KIF5C: variants seen among roughly 807,000 people sequenced by gnomAD.
KIF5C encodes kinesin family member 5C.
A neutral mutation model predicts 125.2 loss-of-function variants in KIF5C; 18 were observed. The ratio of observed to expected loss-of-function variants is 0.14; its 90% CI spans 0.10 to 0.21. KIF5C has a LOEUF of 0.21. Ranked by LOEUF, KIF5C falls within the 10% of genes least tolerant of loss-of-function variation. KIF5C has a pLI of 1.00. For missense variants in KIF5C, 780 were observed against 1,183.8 expected (o/e 0.66, Z 5.01); for synonymous variants, 405 against 434.0 (o/e 0.93, Z 0.83).
At chr2:148,969,388 C>T (rs956803321) in intron 11 of KIF5C, among the ~76,000 whole-genome samples, 4 of 148,604 alleles carry the variant, frequency 2.7e-5, no homozygotes, top group African/African-American at 1.0e-4. Context: ...ATAGTAAATG[C>T]CAGGATGCTT....
intron 1 of KIF5C, among the ~76,000 whole-genome samples, chr2:148,904,727 G>A (rs965145775): frequency 6.6e-6 from 1 of 152,078 alleles, no homozygotes; most frequent in Non-Finnish European, 1.5e-5. Flanking sequence ...TAAGAAATAC[G>A]GCAACCATTG....
At chr2:148,950,081 A>T in intron 9 of KIF5C, 138 bp downstream of exon 9, 2 of 1,384,792 alleles carry the variant, frequency 1.4e-6, no homozygotes, top group Middle Eastern at 2.2e-4. Context: ...CTGGCTATGG[A>T]TGCCTGCTTG....
chr2:148,904,119 CCAAA>C (rs1681007806), intron 1 of KIF5C, among the ~76,000 whole-genome samples: 1 of 152,198 alleles, frequency 6.6e-6, no homozygotes, highest in South Asian at 2.1e-4. Flanking sequence ...ATTTATTTTC[CCAAA>C]CAATTAGAGG....
intron 7 of KIF5C, among the ~76,000 whole-genome samples, chr2:148,943,000 C>G (rs572723092): frequency 6.6e-6 from 1 of 152,246 alleles, no homozygotes; most frequent in Admixed American, 6.5e-5. Flanking sequence ...GTGAGACTTA[C>G]TGGACCCTGA....
intron 1 of KIF5C, among the ~76,000 whole-genome samples, chr2:148,916,565 T>C (rs375542958): frequency 6.6e-6 from 1 of 152,192 alleles, no homozygotes; most frequent in Non-Finnish European, 1.5e-5. Flanking sequence ...CTTTTTCATT[T>C]CACTTCATTT....
In KIF5C at chr2:149,025,573, G is replaced by T. The variant is rs1396307587; in HGVS notation, c.*2503G>T. 6.6e-6 allele frequency: 1 copy of T among 152,284 alleles called. No homozygotes were observed. Among genetic ancestry groups the T allele is most frequent in the South Asian group, 2.1e-4 (1 of 4,820 alleles). The allele number at this position is 152,284 out of a possible 1,614,324, so 9.4% of individuals were successfully genotyped here. On this transcript the variant is annotated 3_prime_UTR_variant, in exon 26 of 26. Coordinates refer to ENST00000435030, the MANE Select transcript of KIF5C (RefSeq NM_004522.3). ...AACTAAGCTCATGAATATGATTTTG[G>T]TTATATGCAGCTTTTGACTAGCATG...
intron 11 of KIF5C, among the ~76,000 whole-genome samples, chr2:148,962,817 A>G (rs990560464): frequency 6.6e-6 from 1 of 152,198 alleles, no homozygotes; most frequent in Non-Finnish European, 1.5e-5. Flanking sequence ...GAAAAATGTC[A>G]TTCTCTCCTA....
At chr2:148,896,244 C>T (rs1307588416) in intron 1 of KIF5C, among the ~76,000 whole-genome samples, 2 of 152,210 alleles carry the variant, frequency 1.3e-5, no homozygotes, top group Non-Finnish European at 2.9e-5. Context: ...AGAGAGCTCT[C>T]AGCGAGCCCT....
In KIF5C at chr2:148,978,343, T is replaced by G. The variant is rs1350059140; in HGVS notation, c.1294-579T>G. 2.1e-5 allele frequency among the ~76,000 whole-genome samples: 3 copies of G among 144,744 alleles called. No individual in the cohort carries two copies. In the East Asian group the frequency reaches 5.9e-4, roughly 29 times the overall value. The allele number at this position is 144,744 out of a possible 152,430, so 95.0% of individuals were successfully genotyped here. A position where few individuals can be genotyped will look rare whatever the true frequency, so the allele number is the denominator to read the frequency against. ...CCTCAGCTGCCCTGAGGTTTTTTTT[T>G]TTTTTTTTTTTTTTTTTTTAACTGT... is the stretch of plus-strand genomic sequence containing the variant. On this transcript the variant is annotated intron_variant, in intron 12 of 25. Coordinates refer to ENST00000435030, the MANE Select transcript of KIF5C (RefSeq NM_004522.3).
At chr2:148,992,185 G>A (rs150406851) in intron 16 of KIF5C, among the ~76,000 whole-genome samples, 256 of 152,238 alleles carry the variant, frequency 1.7e-3, no homozygotes, top group African/African-American at 5.8e-3. Context: ...TGTCTAAAAT[G>A]GATCCACAAG....
Position 148,948,288 on chromosome 2 carries a change from C to A in KIF5C, c.714+1265C>A, listed in dbSNP as rs560073625. ...AGGAGAATGGCGTGAACCCGGGAGG[C>A]GGAGCTTGCAGTGAGCCGAGATCGT... On this transcript the variant is annotated intron_variant, in intron 8 of 25. Transcript: ENST00000435030. Among the ~76,000 whole-genome samples the A allele has an allele frequency of 6.7e-5, 10 of 149,624 alleles. No homozygotes were observed. The South Asian group carries it at 2.1e-3, about 32-fold the overall frequency.
intron 1 of KIF5C, among the ~76,000 whole-genome samples, chr2:148,905,049 G>C (rs1016296639): frequency 3.3e-5 from 5 of 152,194 alleles, no homozygotes; most frequent in Non-Finnish European, 5.9e-5. Flanking sequence ...AATGTTTCTA[G>C]CTAGAGCTCA....
At position 148,958,381 on chromosome 2, in the gene KIF5C, T is replaced by A. The variant is rs139915885; in HGVS notation, c.969-3590T>A. On this transcript the variant is annotated intron_variant, in intron 10 of 25. Coordinates refer to ENST00000435030, the MANE Select transcript of KIF5C (RefSeq NM_004522.3). ...GTTTTAAATTTTTTAGCCATTCTAT[T>A]GGGTGTGGGAAGGTATCTCATTGTA... 2.0e-5 allele frequency among the ~76,000 whole-genome samples: 3 copies of A among 152,314 alleles called. No individual in the cohort carries two copies. The East Asian group carries it at 5.8e-4, about 29-fold the overall frequency.
intron 1 of KIF5C, among the ~76,000 whole-genome samples, chr2:148,918,967 G>C (rs945440276): frequency 6.6e-6 from 1 of 152,164 alleles, no homozygotes; most frequent in Admixed American, 6.5e-5. Flanking sequence ...TTGGGATATA[G>C]TTTGGATATG....
At position 149,024,448 on chromosome 2, in the gene KIF5C, G is replaced by A. The variant is rs1682626783; in HGVS notation, c.*1378G>A. ...ACTGTGCCCTGAAGCTTTCACCACTGTAATGAAATATATGCCAGGGGAGAC... is the reference window on the plus strand; with the variant it reads ...ACTGTGCCCTGAAGCTTTCACCACTATAATGAAATATATGCCAGGGGAGAC... On this transcript the variant is annotated 3_prime_UTR_variant, in exon 26 of 26. Transcript: ENST00000435030. 6.6e-6 allele frequency: 1 copy of A among 152,000 alleles called. No individual in the cohort carries two copies. Among genetic ancestry groups the A allele is most frequent in the Non-Finnish European group, 1.5e-5 (1 of 68,090 alleles). The allele number at this position is 152,000 out of a possible 1,614,324, so 9.4% of individuals were successfully genotyped here.
At chr2:148,931,053 T>G (rs1397070549) in intron 3 of KIF5C, among the ~76,000 whole-genome samples, 4 of 152,146 alleles carry the variant, frequency 2.6e-5, no homozygotes, top group Non-Finnish European at 5.9e-5. Flanking sequence ...AGATGACACT[T>G]GAAAGAGAGA....
At chr2:148,994,653 G>A in intron 17 of KIF5C, 115 bp downstream of exon 17, 2 of 1,241,398 alleles carry the variant, frequency 1.6e-6, no homozygotes, top group Non-Finnish European at 1.1e-6. Flanking sequence ...TAGGTCTACT[G>A]CAAACAAAAC....
chr2:148,999,288 G>T (rs1406468761), intron 19 of KIF5C, among the ~76,000 whole-genome samples: 2 of 37,940 alleles, frequency 5.3e-5, no homozygotes, highest in African/African-American at 1.1e-4. Context: ...CTCCCCTCCC[G>T]CTTTCTGTAG....
chr2:148,998,581 T>C, intron 19 of KIF5C, 72 bp downstream of exon 19: 1 of 1,544,102 alleles, frequency 6.5e-7, no homozygotes, highest in Non-Finnish European at 8.7e-7. Context: ...CCTGGAAGGA[T>C]GTGGCTCTTA....
Sources: allele counts gnomAD v4.1 joint callset (sites outside exome capture counted in the v4.1 genomes callset), GRCh38; gene constraint gnomAD v4.1.1; transcripts MANE v1.5; gene names NCBI Gene and HGNC (gene_info 2026-07-23, HGNC 2026-07-21).